Variants in JAK2 observed in about 807,000 individuals in gnomAD.
JAK2 encodes Janus kinase 2.
A neutral mutation model predicts 139.3 loss-of-function variants in JAK2; 86 were observed. The ratio of observed to expected loss-of-function variants is 0.62; its 90% CI spans 0.52 to 0.74. The LOEUF (loss-of-function observed/expected upper bound fraction) is 0.74, where lower values mean the gene tolerates loss of function less well. Among genes scored for constraint, JAK2 ranks in the 30% least tolerant of loss-of-function variants. JAK2 has a pLI of 0.00. For missense variants in JAK2, 1,421 were observed against 1,360.3 expected, an observed-to-expected ratio of 1.04 and a Z score of -0.70; for synonymous variants, 490 against 437.7, an observed-to-expected ratio of 1.12 and a Z score of -1.49.
intron 4 of JAK2, among the ~76,000 whole-genome samples, chr9:5,037,285 G>T (rs544850477): frequency 2.8e-3 from 428 of 152,226 alleles, no homozygotes; most frequent in African/African-American, 1.0e-2. Flanking sequence ...CAACCATTGT[G>T]GAAGTCAGTG....
chr9:5,074,683 A>C (rs1201230679), intron 14 of JAK2, among the ~76,000 whole-genome samples: 2 of 152,248 alleles, frequency 1.3e-5, no homozygotes, highest in Non-Finnish European at 2.9e-5. Flanking sequence ...TAGGCCATTT[A>C]ATAATCACAC....
Position 5,070,065 on chromosome 9 carries a change from A to C in JAK2, c.1641+13A>C. Reference sequence around the variant, plus strand: ...AGATTTGATATTTGTAAGTCATTAGATACTCATTACTGTCTTTTTTGTCCT... The same window carrying C: ...AGATTTGATATTTGTAAGTCATTAGCTACTCATTACTGTCTTTTTTGTCCT... On this transcript the variant is annotated intron_variant, in intron 12 of 24. Coordinates refer to ENST00000381652, the MANE Select transcript of JAK2 (RefSeq NM_004972.4). The C allele has an allele frequency of 1.3e-6, 2 of 1,584,708 alleles. No individual in the cohort carries two copies. The highest frequency in any genetic ancestry group is 1.7e-6 in the Non-Finnish European group (2 of 1,160,730).
chr9:4,998,881 A>G (rs1348101722), intron 2 of JAK2, among the ~76,000 whole-genome samples: 1 of 152,024 alleles, frequency 6.6e-6, no homozygotes, highest in South Asian at 2.1e-4. Context: ...CCCAGGCTGT[A>G]GTGCAGTGGT....
intron 2 of JAK2, among the ~76,000 whole-genome samples, chr9:4,997,363 A>G (rs1820635770): frequency 6.6e-6 from 1 of 152,180 alleles, no homozygotes; most frequent in South Asian, 2.1e-4. Context: ...GCTTCTGGGG[A>G]GTCCTCCGGG....
chr9:5,097,822 G>A (rs922090108), intron 22 of JAK2: 6 of 152,140 alleles, frequency 3.9e-5, no homozygotes, highest in Non-Finnish European at 1.5e-5. Context: ...AGCGGTGTTC[G>A]CCATCATAGG....
chr9:5,092,213 G>C (rs916288131), intron 22 of JAK2, among the ~76,000 whole-genome samples: 2 of 152,078 alleles, frequency 1.3e-5, no homozygotes, highest in Admixed American at 6.6e-5. Context: ...TGAAATCTAA[G>C]GGCTCAAGGA....
At chr9:5,069,822 A>T (rs2130527910) in intron 11 of JAK2, 103 bp from the exon 12 acceptor site, 2 of 571,842 alleles carry the variant, frequency 3.5e-6, no homozygotes, top group Non-Finnish European at 5.5e-6. Flanking sequence ...AGGAGTTATT[A>T]AGCATTTCTT....
At chr9:5,035,760 C>T (rs1823544715) in intron 4 of JAK2, among the ~76,000 whole-genome samples, 1 of 152,024 alleles carries the variant, frequency 6.6e-6, no homozygotes, top group South Asian at 2.1e-4. Context: ...TATGACATAC[C>T]GACAGCCAAT....
rs1822472204 is a variant in JAK2 at position 5,022,142 on chromosome 9, C to T, written c.155C>T (p.Ala52Val). The T allele has an allele frequency of 6.2e-7, 1 of 1,613,960 alleles. No individual in the cohort carries two copies. The highest frequency in any genetic ancestry group is 8.5e-7 in the Non-Finnish European group (1 of 1,179,972). Residue 52 changes from alanine to valine, a missense_variant, in exon 3 of 25, where the codon GCA becomes GTA. Physicochemically the swap from Ala to Val is moderately conservative, Grantham distance 64. Coordinates refer to ENST00000381652, the MANE Select transcript of JAK2 (RefSeq NM_004972.4). Reference protein sequence around the residue: ...YLYHSLGKSEADYLTFPSGEY... With the variant: ...YLYHSLGKSEVDYLTFPSGEY... ...TACCATTCCCTTGGGAAATCTGAGG[C>T]AGATTATCTGACCTTTCCATCTGGG...
chr9:5,047,335 C>A lies in JAK2; in HGVS notation c.468+2815C>A, dbSNP rs548623870. Among the ~76,000 whole-genome samples, 4 of 152,192 alleles carry A rather than the reference C, an allele frequency of 2.6e-5. No homozygotes were observed. The South Asian group carries it at 8.3e-4, about 32-fold the overall frequency. ...TGTCTTTAAAGTTCTTAAGACAGTA[C>A]CTGTAGGAAGACAGATTTGGAAAAG... On this transcript the variant is annotated intron_variant, in intron 5 of 24. Coordinates refer to ENST00000381652, the MANE Select transcript of JAK2 (RefSeq NM_004972.4).
At chr9:5,028,329 G>A (rs966558870) in intron 3 of JAK2, among the ~76,000 whole-genome samples, 17 of 152,106 alleles carry the variant, frequency 1.1e-4, no homozygotes, top group Admixed American at 9.8e-4. Flanking sequence ...AGGTCTCAAC[G>A]GTGGCTTAAA....
At chr9:5,121,994 T>C (rs910341710) in intron 22 of JAK2, among the ~76,000 whole-genome samples, 1 of 152,140 alleles carries the variant, frequency 6.6e-6, no homozygotes, top group African/African-American at 2.4e-5. Flanking sequence ...TATGTAAAAT[T>C]TGTAAAGACT....
At chr9:5,116,879 G>GT (rs1395761258) in intron 22 of JAK2, among the ~76,000 whole-genome samples, 7 of 152,200 alleles carry the variant, frequency 4.6e-5, no homozygotes, top group African/African-American at 1.2e-4. Flanking sequence ...TGCAATAAGT[G>GT]TAAGTGCAAT....
At chr9:4,995,963 A>T (rs1820536112) in intron 2 of JAK2, among the ~76,000 whole-genome samples, 1 of 152,172 alleles carries the variant, frequency 6.6e-6, no homozygotes, top group Non-Finnish European at 1.5e-5. Flanking sequence ...ATTGTTAAAA[A>T]TTCACAGTAT....
chr9:5,063,431 G>C (rs908061460), intron 8 of JAK2, among the ~76,000 whole-genome samples: 1 of 152,150 alleles, frequency 6.6e-6, no homozygotes, highest in Non-Finnish European at 1.5e-5. Context: ...TCTGGGTACA[G>C]CTATTATTTT....
chr9:5,061,672 G>A (rs1174742751), intron 8 of JAK2, among the ~76,000 whole-genome samples: 7 of 152,188 alleles, frequency 4.6e-5, no homozygotes, highest in Non-Finnish European at 1.0e-4. Flanking sequence ...TCATCAATAA[G>A]GCTGTTCACT....
chr9:5,117,751 G>C (rs1393625837), intron 22 of JAK2, among the ~76,000 whole-genome samples: 1 of 151,930 alleles, frequency 6.6e-6, no homozygotes, highest in East Asian at 1.9e-4. Flanking sequence ...AGAAACAAAA[G>C]TTTTTTGGCA....
At chr9:4,988,883 T>C (rs1820104129) in intron 2 of JAK2, among the ~76,000 whole-genome samples, 5 of 152,230 alleles carry the variant, frequency 3.3e-5, no homozygotes, top group Admixed American at 3.3e-4. Flanking sequence ...TTCTTTCATT[T>C]ACCTCTTATT....
At chr9:5,071,415 A>G (rs1818941224) in intron 12 of JAK2, among the ~76,000 whole-genome samples, 1 of 152,214 alleles carries the variant, frequency 6.6e-6, no homozygotes, top group Non-Finnish European at 1.5e-5. Flanking sequence ...ACATGTTTAA[A>G]GATAGAAAAG....
Sources: allele counts gnomAD v4.1 joint callset (sites outside exome capture counted in the v4.1 genomes callset), GRCh38; gene constraint gnomAD v4.1.1; transcripts MANE v1.5; gene names NCBI Gene and HGNC (gene_info 2026-07-23, HGNC 2026-07-21).